Variants in MAN1C1 observed in about 807,000 individuals in gnomAD.
MAN1C1 encodes mannosidase alpha class 1C member 1.
In MAN1C1, 49 loss-of-function variants were observed where a neutral mutation model predicts 71.5. That is an observed-to-expected ratio of 0.69 (90% CI 0.54 to 0.87). The LOEUF is 0.87. Among genes scored for constraint, MAN1C1 ranks in the 40% least tolerant of loss-of-function variants. MAN1C1 has a pLI of 0.00. For synonymous variants in MAN1C1, 352 were observed against 343.7 expected, an observed-to-expected ratio of 1.02 and a Z score of -0.27; for missense variants, 743 against 835.0, an observed-to-expected ratio of 0.89 and a Z score of 1.36.
At position 25,634,761 on chromosome 1, in the gene MAN1C1, A is replaced by G. The variant is rs868650336; in HGVS notation, c.540+16424A>G. 6.6e-6 allele frequency among the ~76,000 whole-genome samples: 1 copy of G among 152,270 alleles called. No individual in the cohort carries two copies. On this transcript the variant is annotated intron_variant, in intron 1 of 11. Coordinates refer to ENST00000374332, the MANE Select transcript of MAN1C1 (RefSeq NM_020379.4). This position sits in a 1 kb window ranked among gnomAD's most constrained non-coding sequence, Gnocchi z 4.6. Reference sequence around the variant, plus strand: ...CTTGAACTAGGGAGGCGGAGGTTGCAGTAAGTCGAGATTGTGCCACTGCAC... The same window carrying G: ...CTTGAACTAGGGAGGCGGAGGTTGCGGTAAGTCGAGATTGTGCCACTGCAC...
At position 25,631,214 on chromosome 1, in the gene MAN1C1, C is replaced by A. The variant is rs548477265; in HGVS notation, c.540+12877C>A. 6.6e-6 allele frequency among the ~76,000 whole-genome samples: 1 copy of A among 152,210 alleles called. No homozygotes were observed. Among genetic ancestry groups the A allele is most frequent in the East Asian group, 1.9e-4 (1 of 5,182 alleles). ...AACTCCTGAGCTTAGGCAGTCCACC[C>A]GCCTCAGCCTCCCAAAGTGCTAGGA... On this transcript the variant is annotated intron_variant, in intron 1 of 11. Coordinates refer to ENST00000374332, the MANE Select transcript of MAN1C1 (RefSeq NM_020379.4). This position sits in a 1 kb window ranked among gnomAD's most constrained non-coding sequence, Gnocchi z 4.2.
At chr1:25,682,440 A>G (rs887565056) in intron 1 of MAN1C1, among the ~76,000 whole-genome samples, 4 of 152,244 alleles carry the variant, frequency 2.6e-5, no homozygotes, top group African/African-American at 9.6e-5. Context: ...GCGACTGTGC[A>G]CTTTGGTTTC....
At chr1:25,698,059 T>A (rs1022747535) in intron 2 of MAN1C1, among the ~76,000 whole-genome samples, 1 of 152,150 alleles carries the variant, frequency 6.6e-6, no homozygotes, top group African/African-American at 2.4e-5. Flanking sequence ...TACGGGTGAT[T>A]TGGGGCTCCC....
At chr1:25,737,865 G>C (rs1439757830) in intron 2 of MAN1C1, among the ~76,000 whole-genome samples, 2 of 152,134 alleles carry the variant, frequency 1.3e-5, no homozygotes, top group African/African-American at 4.8e-5. Flanking sequence ...ATATCAGCAG[G>C]CACGCCAGGG....
intron 2 of MAN1C1, among the ~76,000 whole-genome samples, chr1:25,724,729 G>A (rs1029718793): frequency 1.3e-5 from 2 of 152,160 alleles, no homozygotes; most frequent in East Asian, 1.9e-4. Context: ...CCCCAGCCTC[G>A]ATTATTTTCC....
intron 2 of MAN1C1, among the ~76,000 whole-genome samples, chr1:25,744,263 A>G (rs1042208974): frequency 1.3e-5 from 2 of 152,118 alleles, no homozygotes; most frequent in Non-Finnish European, 2.9e-5. Context: ...GAGGGTGAAT[A>G]CGGGCCAGGA....
At chr1:25,772,083 G>C (rs1285140673) in intron 8 of MAN1C1, 1 of 323,246 alleles carries the variant, frequency 3.1e-6, no homozygotes, top group African/African-American at 2.2e-5. Context: ...CCACCTGCTT[G>C]GTGTCTATGC....
Position 25,782,919 on chromosome 1 carries a change from C to T in MAN1C1, c.1766+219C>T, listed in dbSNP as rs746106415. ...GGCTAGAATCCAAGTTCCCTAGGGA[C>T]GCACCGTGTGATACCGCAGGTTCCT... On this transcript the variant is annotated intron_variant, in intron 11 of 11. Coordinates refer to ENST00000374332, the MANE Select transcript of MAN1C1 (RefSeq NM_020379.4). The surrounding 1 kb of genome is among the most constrained non-coding windows in gnomAD (Gnocchi z 4.4). Among the ~76,000 whole-genome samples, 6 of 152,202 alleles carry T rather than the reference C, an allele frequency of 3.9e-5. No individual in the cohort carries two copies. The highest frequency in any genetic ancestry group is 4.8e-5 in the African/African-American group (2 of 41,442).
chr1:25,655,283 C>T (rs1270639504), intron 1 of MAN1C1, among the ~76,000 whole-genome samples: 1 of 152,174 alleles, frequency 6.6e-6, no homozygotes, highest in Admixed American at 6.5e-5. Flanking sequence ...GCCTCTCACT[C>T]AGCTCCTGGA....
At chr1:25,756,499 G>A (rs564717347) in intron 5 of MAN1C1, among the ~76,000 whole-genome samples, 2 of 152,366 alleles carry the variant, frequency 1.3e-5, no homozygotes, top group East Asian at 3.9e-4. Context: ...AGGGCTGGTG[G>A]CTTTTTCCTA....
At chr1:25,675,961 G>A (rs1005897203) in intron 1 of MAN1C1, among the ~76,000 whole-genome samples, 15 of 152,308 alleles carry the variant, frequency 9.8e-5, no homozygotes, top group South Asian at 4.1e-4. Flanking sequence ...TTCAATGTGC[G>A]TTTGAATCAC....
intron 1 of MAN1C1, among the ~76,000 whole-genome samples, chr1:25,653,561 G>A (rs929463596): frequency 2.0e-5 from 3 of 152,180 alleles, no homozygotes; most frequent in South Asian, 2.1e-4. Context: ...GGTGCTCCAC[G>A]GATTCCCTGA....
intron 2 of MAN1C1, among the ~76,000 whole-genome samples, chr1:25,713,626 A>G (rs543198648): frequency 5.9e-5 from 9 of 152,298 alleles, no homozygotes; most frequent in African/African-American, 1.9e-4. Flanking sequence ...TGGAGTTTAT[A>G]TAGGACTGTT....
At chr1:25,749,571 C>G (rs760602) in intron 4 of MAN1C1, among the ~76,000 whole-genome samples, 87,766 of 151,978 alleles carry the variant, frequency 0.58, 26,321 homozygotes, top group Middle Eastern at 0.79. Context: ...GACGGCCCCC[C>G]AGGGCTGAAT....
chr1:25,709,612 T>C (rs1263688164), intron 2 of MAN1C1: 1 of 152,230 alleles, frequency 6.6e-6, no homozygotes, highest in Admixed American at 6.5e-5. Context: ...GTCCTTTAAG[T>C]TGCAAGGGCC....
chr1:25,751,705 G>A (rs1397707620), intron 4 of MAN1C1, among the ~76,000 whole-genome samples: 3 of 152,192 alleles, frequency 2.0e-5, no homozygotes, highest in Non-Finnish European at 4.4e-5. Context: ...CTGGAGCCTC[G>A]GATGGCCCCA....
intron 2 of MAN1C1, among the ~76,000 whole-genome samples, chr1:25,689,335 G>A (rs1234176629): frequency 6.6e-6 from 1 of 152,124 alleles, no homozygotes; most frequent in Non-Finnish European, 1.5e-5. Context: ...TTTAAATTCA[G>A]ACTTTACTAC....
chr1:25,679,950 A>AAAAAAATATATAT (rs1285307256), intron 1 of MAN1C1, among the ~76,000 whole-genome samples: 1 of 117,262 alleles, frequency 8.5e-6, no homozygotes, highest in African/African-American at 3.8e-5. Flanking sequence ...AAAAAAAAAA[A>AAAAAAATATATAT]ATATATATAT....
intron 2 of MAN1C1, among the ~76,000 whole-genome samples, chr1:25,688,723 T>C (rs2046267687): frequency 6.6e-6 from 1 of 152,242 alleles, no homozygotes; most frequent in South Asian, 2.1e-4. Context: ...TCCAAGGCAC[T>C]TAACCTCTCT....
Sources: gnomAD v4.1 joint callset for allele counts (sites outside exome capture counted in the v4.1 genomes callset) on GRCh38, gnomAD v4.1.1 for gene constraint, Gnocchi (gnomAD v3.1) non-coding constraint, MANE v1.5 for transcripts, NCBI Gene and HGNC (gene_info 2026-07-23, HGNC 2026-07-21) for gene names.